Variants in DSTYK observed in about 807,000 individuals in gnomAD.
DSTYK encodes the protein dual serine/threonine and tyrosine protein kinase, also known as RIP-homologous kinase.
A neutral mutation model predicts 98.7 loss-of-function variants in DSTYK; 34 were observed. The ratio of observed to expected loss-of-function variants is 0.34; its 90% CI spans 0.26 to 0.46. DSTYK has a LOEUF of 0.46. Among genes scored for constraint, DSTYK ranks in the 20% least tolerant of loss-of-function variants. DSTYK has a pLI of 1.00. For synonymous variants in DSTYK, 462 were observed against 457.3 expected, an observed-to-expected ratio of 1.01 and a Z score of -0.13; for missense variants, 962 against 1,181.7, an observed-to-expected ratio of 0.81 and a Z score of 2.73.
chr1:205,171,348 G>A (rs974881277), intron 2 of DSTYK, among the ~76,000 whole-genome samples: 34 of 151,404 alleles, frequency 2.2e-4, no homozygotes, highest in African/African-American at 6.3e-4. Context: ...CTACTCCAGA[G>A]ACTGAGGCAG....
chr1:205,149,052 G>A lies in DSTYK; in HGVS notation c.2468-713C>T, dbSNP rs1657328071. On this transcript the variant is annotated intron_variant, in intron 11 of 12. Transcript: ENST00000367162. ...CGAGTAGCTGGGATTACAGGCATGT[G>A]CCACCACGCCCGGCCTATTTTGTAT... Among the ~76,000 whole-genome samples, 8 of 152,018 alleles carry A rather than the reference G, an allele frequency of 5.3e-5. No homozygotes were observed. In the South Asian group the frequency reaches 1.7e-3, roughly 32 times the overall value.
chr1:205,198,450 G>T (rs1039722862), intron 1 of DSTYK, among the ~76,000 whole-genome samples: 2 of 152,102 alleles, frequency 1.3e-5, no homozygotes, highest in Admixed American at 6.6e-5. Context: ...TTTCCTCAGT[G>T]GGGTTCTTAT....
Sources: allele counts gnomAD v4.1 joint callset (sites outside exome capture counted in the v4.1 genomes callset), GRCh38; gene constraint gnomAD v4.1.1; transcripts MANE v1.5; gene names NCBI Gene and HGNC (gene_info 2026-07-23, HGNC 2026-07-21).